The following NBEAL1 variants were observed in gnomAD, a reference collection of about 807,000 sequenced individuals.
NBEAL1 encodes the protein neurobeachin-like protein 1.
NBEAL1 carries 273 observed loss-of-function variants against 351.3 expected under a neutral mutation model. The observed-to-expected ratio is 0.78, with a 90% CI of 0.70 to 0.86. NBEAL1 has a LOEUF of 0.86. NBEAL1 is among the 40% of genes least tolerant of loss of function. The pLI, the probability that NBEAL1 is intolerant of heterozygous loss-of-function variation, is 0.00. For synonymous variants in NBEAL1, 1,050 were observed against 1,086.4 expected (o/e 0.97, Z 0.66); for missense variants, 2,961 against 3,201.3 (o/e 0.92, Z 1.81).
At chr2:203,095,510 C>G (rs572125527) in intron 10 of NBEAL1, among the ~76,000 whole-genome samples, 2 of 151,982 alleles carry the variant, frequency 1.3e-5, no homozygotes, top group Non-Finnish European at 2.9e-5. Flanking sequence ...AGGCTGGTCT[C>G]GAACTCCTGA....
intron 7 of NBEAL1, among the ~76,000 whole-genome samples, chr2:203,076,714 C>T (rs1043065723): frequency 3.3e-5 from 5 of 150,718 alleles, no homozygotes; most frequent in African/African-American, 1.2e-4. Flanking sequence ...GCCTCAGCCT[C>T]CCGAGTAGCT....
chr2:203,064,802 A>C (rs2061554709), intron 6 of NBEAL1, among the ~76,000 whole-genome samples: 1 of 152,212 alleles, frequency 6.6e-6, no homozygotes, highest in South Asian at 2.1e-4. Context: ...GGGTGAACTG[A>C]CAAAACTGGA....
intron 51 of NBEAL1, among the ~76,000 whole-genome samples, chr2:203,204,678 G>A (rs7369865): frequency 0.88 from 134,104 of 152,102 alleles, 60,293 homozygotes; most frequent in Non-Finnish European, 0.96. Flanking sequence ...TCCTTTTTAT[G>A]TCCTTTGATA....
At chr2:203,099,551 TCA>T in intron 11 of NBEAL1, 76 bp from the exon 12 acceptor site, 1 of 910,116 alleles carries the variant, frequency 1.1e-6, no homozygotes, top group African/African-American at 1.7e-5. Flanking sequence ...TTTCAGGTTT[TCA>T]GACCAAAGGT....
intron 21 of NBEAL1, 93 bp downstream of exon 21, chr2:203,126,186 G>T (rs1575007519): frequency 6.3e-6 from 8 of 1,262,250 alleles, no homozygotes; most frequent in South Asian, 1.6e-5. Flanking sequence ...TATTTTTAAA[G>T]ATTATTACAA....
chr2:203,082,797 C>G (rs189405241), intron 8 of NBEAL1, among the ~76,000 whole-genome samples: 2 of 152,162 alleles, frequency 1.3e-5, no homozygotes, highest in East Asian at 1.9e-4. Flanking sequence ...TTCAATATTC[C>G]TATTCTTTCT....
intron 36 of NBEAL1, among the ~76,000 whole-genome samples, chr2:203,159,359 G>A (rs1199470403): frequency 2.6e-5 from 4 of 151,816 alleles, no homozygotes; most frequent in South Asian, 2.1e-4. Context: ...GTACCTTTGA[G>A]TGGTCGGTCC....
chr2:203,188,744 T>TA (rs2064986279), intron 45 of NBEAL1, among the ~76,000 whole-genome samples, 155 bp downstream of exon 45: 1 of 152,196 alleles, frequency 6.6e-6, no homozygotes, highest in South Asian at 2.1e-4. Context: ...GCTTTTTTTG[T>TA]AATAGTAGTT....
rs1575145207 is a variant in NBEAL1, at chr2:203,224,786, T to C, written c.*7432T>C. The stretch of plus-strand genomic sequence containing the variant: ...AATTATTGACTGTGCAAACTGTGAC[T>C]CAGTGGATATTTGTATGCCCCCCAA... On this transcript the variant is annotated 3_prime_UTR_variant, in exon 56 of 56. Transcript: ENST00000683969. Among the ~76,000 whole-genome samples, 1 of 152,208 alleles carries C rather than the reference T, an allele frequency of 6.6e-6. No individual in the cohort carries two copies.
chr2:203,054,651 T>C (rs1178122873), intron 4 of NBEAL1, among the ~76,000 whole-genome samples: 1 of 152,170 alleles, frequency 6.6e-6, no homozygotes, highest in African/African-American at 2.4e-5. Flanking sequence ...ATTTTCAAAC[T>C]TGTGTCGCCT....
At chr2:203,054,255 G>A (rs965096880) in intron 4 of NBEAL1, among the ~76,000 whole-genome samples, 1 of 151,852 alleles carries the variant, frequency 6.6e-6, no homozygotes, top group African/African-American at 2.4e-5. Flanking sequence ...GTGAAACCCC[G>A]TCTCTACTAA....
In NBEAL1 at chr2:203,151,537, G is replaced by A. The variant is rs768366260; in HGVS notation, c.5535G>A (p.Pro1845=). ...NYSRMRLKLV[P]NYNFKTHEEA... Reference sequence around the variant, plus strand: ...CCCGCATGAGACTTAAGCTGGTACCGAATTATAATTTCAAAACCCATGAGG... The same window carrying A: ...CCCGCATGAGACTTAAGCTGGTACCAAATTATAATTTCAAAACCCATGAGG... Residue 1845 remains proline (P), a synonymous_variant, in exon 35 of 56, where the codon CCG becomes CCA. Coordinates refer to ENST00000683969, the MANE Select transcript of NBEAL1 (RefSeq NM_001378026.1). 14 of 1,610,560 alleles carry A rather than the reference G, an allele frequency of 8.7e-6. No homozygotes were observed. The Admixed American group carries it at 1.0e-4, about 12-fold the overall frequency.
chr2:203,152,574 G>C (rs1451960110), intron 35 of NBEAL1, among the ~76,000 whole-genome samples: 3 of 151,746 alleles, frequency 2.0e-5, no homozygotes, highest in African/African-American at 7.3e-5. Flanking sequence ...TGGGCAACAA[G>C]AGCAAAACTC....
intron 36 of NBEAL1, among the ~76,000 whole-genome samples, chr2:203,158,863 C>T (rs1471056986): frequency 8.1e-6 from 1 of 123,992 alleles, no homozygotes; most frequent in Admixed American, 1.0e-4. Flanking sequence ...TGTGTCACCT[C>T]AACTGGAGTG....
At chr2:203,119,274 A>G (rs2062770709) in intron 18 of NBEAL1, among the ~76,000 whole-genome samples, 1 of 150,140 alleles carries the variant, frequency 6.7e-6, no homozygotes, top group African/African-American at 2.5e-5. Flanking sequence ...CTCAAGCAAT[A>G]CTCCCACCCC....
Position 203,221,952 on chromosome 2 carries a change from G to C in NBEAL1, c.*4598G>C, listed in dbSNP as rs1021605025. ...GCCTATAATCTCAGCACTTTAGGAG[G>C]CTGAGGCAGGAGGATCACTGGAGCC... On this transcript the variant is annotated 3_prime_UTR_variant, in exon 56 of 56. Transcript: ENST00000683969. Among the ~76,000 whole-genome samples, 7 of 152,176 alleles carry C rather than the reference G, an allele frequency of 4.6e-5. No individual in the cohort carries two copies. Among genetic ancestry groups the C allele is most frequent in the Non-Finnish European group, 1.0e-4 (7 of 68,038 alleles).
In NBEAL1 at chr2:203,217,580, G is replaced by T; in HGVS notation, c.*226G>T. ...TTGTGGCCCATTCCTAAAGGTCATTGTATCCATTTTTAAAACAAACTAAAA... is the reference window on the plus strand; with the variant it reads ...TTGTGGCCCATTCCTAAAGGTCATTTTATCCATTTTTAAAACAAACTAAAA... On this transcript the variant is annotated 3_prime_UTR_variant, in exon 56 of 56. Coordinates refer to ENST00000683969, the MANE Select transcript of NBEAL1 (RefSeq NM_001378026.1). 1.8e-6 allele frequency: 2 copies of T among 1,119,128 alleles called. No individual in the cohort carries two copies. Among genetic ancestry groups the T allele is most frequent in the Admixed American group, 4.6e-5 (1 of 21,590 alleles). The allele number at this position is 1,119,128 out of a possible 1,614,324, so 69.3% of individuals were successfully genotyped here.
intron 53 of NBEAL1, among the ~76,000 whole-genome samples, chr2:203,210,291 A>T (rs544716203): frequency 1.6e-4 from 24 of 150,022 alleles, no homozygotes; most frequent in African/African-American, 5.6e-4. Context: ...TGAACCCAGG[A>T]GGCAGACGTT....
intron 35 of NBEAL1, among the ~76,000 whole-genome samples, chr2:203,156,824 G>A (rs1293332536): frequency 6.6e-6 from 1 of 152,136 alleles, no homozygotes; most frequent in Non-Finnish European, 1.5e-5. Flanking sequence ...TGCCATAAAT[G>A]AAATGTCTTT....
Sources: allele counts gnomAD v4.1 joint callset (sites outside exome capture counted in the v4.1 genomes callset), GRCh38; gene constraint gnomAD v4.1.1; transcripts MANE v1.5; gene names NCBI Gene and HGNC (gene_info 2026-07-23, HGNC 2026-07-21).